CA8: variants seen among roughly 807,000 people sequenced by gnomAD.
CA8 encodes the protein carbonic anhydrase-related protein.
CA8 carries 22 observed loss-of-function variants against 41.4 expected under a neutral mutation model. The ratio of observed to expected loss-of-function variants is 0.53; its 90% CI spans 0.38 to 0.76. CA8 has a LOEUF of 0.76. Among genes scored for constraint, CA8 ranks in the 30% least tolerant of loss-of-function variants. The pLI is 0.00. For missense variants in CA8, 270 were observed against 352.8 expected, an observed-to-expected ratio of 0.77 and a Z score of 1.88; for synonymous variants, 121 against 130.6, an observed-to-expected ratio of 0.93 and a Z score of 0.50.
Position 60,222,651 on chromosome 8 carries a change from G to A in CA8, c.736C>T (p.Gln246Ter). ...AAGATTCAAAGTAGCACACTCACCT[G>A]TAGCTGGGATATAGTTAAAGGGTAT... The part of the protein sequence containing the change: ...FRYPLTISQL[Q>*]IEEFRRLRTH... The change falls in exon 7 of 9, where the codon CAG becomes TAG. Residue 246 changes from glutamine to a stop codon, truncating the protein, a stop_gained and splice_region_variant. Transcript: ENST00000317995. LOFTEE classifies it high-confidence loss of function. The A allele has an allele frequency of 1.3e-6, 2 of 1,565,296 alleles. No individual in the cohort carries two copies. The highest frequency in any genetic ancestry group is 1.8e-6 in the Non-Finnish European group (2 of 1,135,428).
At chr8:60,191,701 C>T (rs969595835) in intron 8 of CA8, among the ~76,000 whole-genome samples, 1 of 152,094 alleles carries the variant, frequency 6.6e-6, no homozygotes, top group African/African-American at 2.4e-5. Flanking sequence ...GGTCTAGAAG[C>T]ATGTATCCTA....
chr8:60,187,885 T>G lies in CA8; in HGVS notation c.*2136A>C, dbSNP rs546451051. The G allele has an allele frequency of 2.6e-5, 4 of 152,228 alleles. No homozygotes were observed. The highest frequency in any genetic ancestry group is 5.9e-5 in the Non-Finnish European group (4 of 68,038). 9.4% of individuals were successfully genotyped at this position (152,228 alleles called of 1,614,324 possible). On this transcript the variant is annotated 3_prime_UTR_variant, in exon 9 of 9. Coordinates refer to ENST00000317995, the MANE Select transcript of CA8 (RefSeq NM_004056.6). Reference sequence around the variant, plus strand: ...AGGGTCCATCACATAGGTTTTACTTTCTTTCCTATCACACCATCAAAACAG... The same window carrying G: ...AGGGTCCATCACATAGGTTTTACTTGCTTTCCTATCACACCATCAAAACAG...
At chr8:60,269,646 A>C (rs1804006220) in intron 2 of CA8, among the ~76,000 whole-genome samples, 1 of 152,236 alleles carries the variant, frequency 6.6e-6, no homozygotes, top group South Asian at 2.1e-4. Context: ...AAACAAATTT[A>C]CCAGATAATT....
intron 3 of CA8, among the ~76,000 whole-genome samples, chr8:60,254,478 TAAAC>T (rs1345807276): frequency 3.9e-5 from 6 of 152,196 alleles, no homozygotes; most frequent in Admixed American, 3.9e-4. Context: ...GGAACACAGT[TAAAC>T]AAACCACGTC....
At chr8:60,220,108 G>A (rs959726197) in intron 7 of CA8, among the ~76,000 whole-genome samples, 2 of 151,966 alleles carry the variant, frequency 1.3e-5, no homozygotes, top group African/African-American at 4.8e-5. Context: ...GTTAACAATG[G>A]CCTAACTGGC....
At chr8:60,257,574 C>G (rs1006163230) in intron 3 of CA8, among the ~76,000 whole-genome samples, 8 of 152,132 alleles carry the variant, frequency 5.3e-5, no homozygotes, top group Admixed American at 4.6e-4. Flanking sequence ...TCCCACACTG[C>G]CAGAGTCCTC....
chr8:60,279,748 C>G lies in CA8; in HGVS notation c.233G>C (p.Arg78Pro). The G allele has an allele frequency of 6.2e-7, 1 of 1,614,084 alleles. No individual in the cohort carries two copies. Among genetic ancestry groups the G allele is most frequent in the Non-Finnish European group, 8.5e-7 (1 of 1,180,014 alleles). ...VRLSPNYVVC[R>P]DCEVTNDGHT... ...TCCATCATTGGTGACTTCACAGTCTCGGCACACCACATAATTTGGGGAGAG... is the reference window on the plus strand; with the variant it reads ...TCCATCATTGGTGACTTCACAGTCTGGGCACACCACATAATTTGGGGAGAG... Residue 78 changes from arginine (R) to proline (P), a missense_variant, in exon 2 of 9, where the codon CGA (arginine) becomes CCA (proline). Around this residue, in one of 3 missense-constraint regions of CA8, gnomAD observed 123 missense variants for 136.8 expected, o/e 0.90. Coordinates refer to ENST00000317995, the MANE Select transcript of CA8 (RefSeq NM_004056.6).
At chr8:60,211,946 T>C (rs1806850784) in intron 7 of CA8, among the ~76,000 whole-genome samples, 1 of 152,214 alleles carries the variant, frequency 6.6e-6, no homozygotes, top group Non-Finnish European at 1.5e-5. Flanking sequence ...AACTCAAATG[T>C]CAAGGCCTTC....
At chr8:60,195,295 G>C (rs1301575233) in intron 8 of CA8, among the ~76,000 whole-genome samples, 1 of 152,112 alleles carries the variant, frequency 6.6e-6, no homozygotes, top group South Asian at 2.1e-4. Context: ...TCTTAACCTT[G>C]AATTATCTTT....
intron 3 of CA8, among the ~76,000 whole-genome samples, chr8:60,254,617 C>A (rs887017310): frequency 1.3e-5 from 2 of 152,288 alleles, no homozygotes; most frequent in South Asian, 4.1e-4. Context: ...CAGTGCTGTA[C>A]AACACAAATT....
At chr8:60,247,988 C>T (rs1185381337) in intron 3 of CA8, among the ~76,000 whole-genome samples, 4 of 152,008 alleles carry the variant, frequency 2.6e-5, no homozygotes, top group South Asian at 4.2e-4. Context: ...TTTTGATTTG[C>T]GTTTCTCTAA....
chr8:60,218,719 C>T (rs886606632), intron 7 of CA8, among the ~76,000 whole-genome samples: 2 of 152,034 alleles, frequency 1.3e-5, no homozygotes, highest in African/African-American at 4.8e-5. Flanking sequence ...TCTGCAACAA[C>T]AACAAAAAAA....
chr8:60,266,037 C>T lies in CA8; in HGVS notation c.305G>A (p.Gly102Glu). 1 of 1,613,678 alleles carries T rather than the reference C, an allele frequency of 6.2e-7. No individual in the cohort carries two copies. The highest frequency in any genetic ancestry group is 8.5e-7 in the Non-Finnish European group (1 of 1,179,680). The change falls in exon 3 of 9, where the codon GGA becomes GAA. Residue 102 changes from glycine (G) to glutamate (E), a missense_variant. Gly to Glu is a moderately conservative substitution (Grantham distance 98). Transcript: ENST00000317995. ...AAATTCATGCCCTTGAGGCAATGGT[C>T]CTCCCGAAAGAACTGAAAAAGAAAA... Reference protein sequence around the residue: ...ILKSKSVLSGGPLPQGHEFEL... With the variant: ...ILKSKSVLSGEPLPQGHEFEL...
At chr8:60,209,749 C>G (rs1289382691) in intron 7 of CA8, among the ~76,000 whole-genome samples, 1 of 152,116 alleles carries the variant, frequency 6.6e-6, no homozygotes, top group Non-Finnish European at 1.5e-5. Context: ...AAAGTCTGAG[C>G]CCAAATTCCT....
intron 2 of CA8, among the ~76,000 whole-genome samples, chr8:60,277,646 C>T (rs906517080): frequency 9.2e-5 from 14 of 152,198 alleles, no homozygotes; most frequent in Non-Finnish European, 2.9e-5. Context: ...TGAGCCATCA[C>T]ACCCAGCCTA....
At chr8:60,192,902 G>A (rs1806169999) in intron 8 of CA8, among the ~76,000 whole-genome samples, 1 of 148,518 alleles carries the variant, frequency 6.7e-6, no homozygotes, top group South Asian at 2.2e-4. Flanking sequence ...TATGGAGAAT[G>A]AAGATTTGAC....
intron 8 of CA8, among the ~76,000 whole-genome samples, chr8:60,197,959 C>T (rs1163003373): frequency 4.6e-5 from 7 of 152,156 alleles, no homozygotes; most frequent in Non-Finnish European, 1.0e-4. Flanking sequence ...TAGCATAACC[C>T]TTGTAGAGGG....
chr8:60,238,429 C>A lies in CA8; in HGVS notation c.418-6050G>T, dbSNP rs531873466. On this transcript the variant is annotated intron_variant, in intron 3 of 8. Coordinates refer to ENST00000317995, the MANE Select transcript of CA8 (RefSeq NM_004056.6). ...CTGTGACATCTCCTAACTGCAAATG[C>A]AGGGACCTTTCCTTTCAGATGTCTT... Among the ~76,000 whole-genome samples, 4 of 152,272 alleles carry A rather than the reference C, an allele frequency of 2.6e-5. No individual in the cohort carries two copies. The South Asian group carries it at 8.3e-4, about 32-fold the overall frequency.
chr8:60,194,924 T>C (rs114657326), intron 8 of CA8, among the ~76,000 whole-genome samples: 349 of 152,332 alleles, frequency 2.3e-3, no homozygotes, highest in African/African-American at 8.1e-3. Flanking sequence ...CTACCTTCAA[T>C]TGATGGTCAT....
Sources: allele counts gnomAD v4.1 joint callset (sites outside exome capture counted in the v4.1 genomes callset), GRCh38; gene constraint gnomAD v4.1.1; regional missense constraint gnomAD v4.1.1; transcripts MANE v1.5; gene names NCBI Gene and HGNC (gene_info 2026-07-23, HGNC 2026-07-21).